NDUFA8: variants seen among roughly 807,000 people sequenced by gnomAD.
NDUFA8 encodes NADH dehydrogenase [ubiquinone] 1 alpha subcomplex subunit 8.
In NDUFA8, 16 loss-of-function variants were observed where a neutral mutation model predicts 20.9. That is an observed-to-expected ratio of 0.77 (90% CI 0.52 to 1.16). The LOEUF (loss-of-function observed/expected upper bound fraction) is 1.16, where lower values mean the gene tolerates loss of function less well. Among genes scored for constraint, NDUFA8 ranks in the 50% most tolerant of loss-of-function variants. NDUFA8 has a pLI of 0.00. For synonymous variants in NDUFA8, 70 were observed against 76.1 expected (o/e 0.92, Z 0.41); for missense variants, 202 against 216.4 (o/e 0.93, Z 0.42).
In NDUFA8 at chr9:122,144,354, G is replaced by T. The variant is rs779542088; in HGVS notation, c.406C>A (p.Pro136Thr). The change falls in exon 4 of 4, where the codon CCT (proline) becomes ACT (threonine). Residue 136 changes from proline to threonine, a missense_variant. Pro to Thr is a conservative substitution (Grantham distance 38, BLOSUM62 -1). Coordinates refer to ENST00000373768, the MANE Select transcript of NDUFA8 (RefSeq NM_014222.3). Reference sequence around the variant, plus strand: ...GAGTGATAGGGATTCTCCGGTAAAGGTCGATCTGTTTTCACTTTGGTGACC... The same window carrying T: ...GAGTGATAGGGATTCTCCGGTAAAGTTCGATCTGTTTTCACTTTGGTGACC... ...SKVTKVKTDR[P>T]LPENPYHSRP... is the part of the protein sequence containing the mutation. 4 of 1,614,178 alleles carry T rather than the reference G, an allele frequency of 2.5e-6. No homozygotes were observed. Among genetic ancestry groups the T allele is most frequent in the Admixed American group, 3.3e-5 (2 of 60,010 alleles).
intron 3 of NDUFA8, among the ~76,000 whole-genome samples, chr9:122,145,530 C>G (rs1243336443): frequency 2.0e-5 from 3 of 151,846 alleles, no homozygotes; most frequent in Non-Finnish European, 4.4e-5. Flanking sequence ...TGTAAAATGA[C>G]CAGATTCATC....
downstream of NDUFA8, among the ~76,000 whole-genome samples, chr9:122,141,954 T>A (rs907017785): frequency 1.3e-5 from 2 of 152,160 alleles, no homozygotes; most frequent in African/African-American, 4.8e-5. Flanking sequence ...AAAAGTTACA[T>A]CCTAGAATTG....
chr9:122,145,590 T>G (rs1052363404), intron 3 of NDUFA8, among the ~76,000 whole-genome samples: 1 of 152,222 alleles, frequency 6.6e-6, no homozygotes, highest in Admixed American at 6.5e-5. Context: ...AGAGCTTTTG[T>G]GTATACAATC....
At chr9:122,136,155 CTCTT>C in the NDUFA8 span, among the ~76,000 whole-genome samples, 2 of 152,182 alleles carry the variant, frequency 1.3e-5, no homozygotes, top group African/African-American at 4.8e-5. Context: ...CTTTTTCTCT[CTCTT>C]TCTCTCTCTC....
intron 2 of NDUFA8, among the ~76,000 whole-genome samples, chr9:122,151,202 C>T (rs375279319): frequency 2.6e-5 from 4 of 152,184 alleles, no homozygotes; most frequent in African/African-American, 7.2e-5. Context: ...TAGTGGACAT[C>T]GGTGGTTTCT....
At chr9:122,144,709 A>G (rs1391112554) in intron 3 of NDUFA8, among the ~76,000 whole-genome samples, 1 of 152,228 alleles carries the variant, frequency 6.6e-6, no homozygotes. Context: ...TGATGGAGAC[A>G]GGAACTGCCT....
At chr9:122,157,433 A>T (rs988659052) in intron 1 of NDUFA8, among the ~76,000 whole-genome samples, 1 of 152,238 alleles carries the variant, frequency 6.6e-6, no homozygotes, top group Admixed American at 6.5e-5. Flanking sequence ...ATACAACTTC[A>T]AATCTTTTCC....
At chr9:122,148,303 C>T in intron 2 of NDUFA8, 26 bp from the exon 3 acceptor site, 1 of 1,613,194 alleles carries the variant, frequency 6.2e-7, no homozygotes, top group South Asian at 1.1e-5. Context: ...GGGTTAGGGG[C>T]ATCTCTTTGC....
the NDUFA8 span, among the ~76,000 whole-genome samples, chr9:122,137,559 G>C: frequency 1.3e-5 from 2 of 152,142 alleles, no homozygotes; most frequent in Non-Finnish European, 2.9e-5. Context: ...TCTAATGAGG[G>C]AAGTGGTTGA....
chr9:122,141,945 A>G (rs1045536685), downstream of NDUFA8, among the ~76,000 whole-genome samples: 3 of 152,218 alleles, frequency 2.0e-5, no homozygotes, highest in Non-Finnish European at 4.4e-5. Context: ...AACTTGGGCA[A>G]AAGTTACATC....
At chr9:122,145,532 AG>A (rs1443656683) in intron 3 of NDUFA8, among the ~76,000 whole-genome samples, 15 of 151,982 alleles carry the variant, frequency 9.9e-5, no homozygotes, top group African/African-American at 3.6e-4. Context: ...TAAAATGACC[AG>A]ATTCATCTTC....
chr9:122,157,071 C>A (rs1202914456), intron 1 of NDUFA8, among the ~76,000 whole-genome samples: 1 of 152,176 alleles, frequency 6.6e-6, no homozygotes, highest in Non-Finnish European at 1.5e-5. Context: ...GGCTTCTGGA[C>A]CCAAACTATC....
chr9:122,138,403 G>C, the NDUFA8 span, among the ~76,000 whole-genome samples: 4 of 152,294 alleles, frequency 2.6e-5, no homozygotes, highest in Admixed American at 6.5e-5. Context: ...CTGAGACTGT[G>C]ACACGGATTT....
intron 2 of NDUFA8, among the ~76,000 whole-genome samples, chr9:122,148,873 T>C (rs749048641): frequency 6.6e-6 from 1 of 152,206 alleles, no homozygotes; most frequent in Non-Finnish European, 1.5e-5. Flanking sequence ...ATATTATATT[T>C]GGTATTCTCT....
chr9:122,155,835 G>C (rs543419455), intron 1 of NDUFA8, among the ~76,000 whole-genome samples: 1 of 152,208 alleles, frequency 6.6e-6, no homozygotes, highest in South Asian at 2.1e-4. Context: ...AAAGACTGAC[G>C]CATTATTTAT....
In NDUFA8 at chr9:122,144,234, C is replaced by T; in HGVS notation, c.*7G>A. 6.2e-7 allele frequency: 1 copy of T among 1,613,604 alleles called. No individual in the cohort carries two copies. The highest frequency in any genetic ancestry group is 8.5e-7 in the Non-Finnish European group (1 of 1,180,008). On this transcript the variant is annotated 3_prime_UTR_variant, in exon 4 of 4. Coordinates refer to ENST00000373768, the MANE Select transcript of NDUFA8 (RefSeq NM_014222.3). ...CACATGACCGAGTGTGGGCCACGGA[C>T]CCATCTTTACTTGGTCCAGAAATAA...
chr9:122,140,681 A>C (rs1282927857), downstream of NDUFA8, among the ~76,000 whole-genome samples: 1 of 152,228 alleles, frequency 6.6e-6, no homozygotes, highest in Non-Finnish European at 1.5e-5. Flanking sequence ...GGGTCACGAC[A>C]GGTGTTACTC....
chr9:122,143,942 T>C (rs1425859445), downstream of NDUFA8: 4 of 661,362 alleles, frequency 6.0e-6, no homozygotes, highest in African/African-American at 5.7e-5. Context: ...CCCAGCCACA[T>C]GAGCGAGTGC....
the NDUFA8 span, among the ~76,000 whole-genome samples, chr9:122,133,580 G>A: frequency 2.6e-5 from 4 of 152,228 alleles, no homozygotes; most frequent in Admixed American, 6.5e-5. Context: ...AGTGGAGAAC[G>A]CATCAGGGGA....
Sources: allele counts gnomAD v4.1 joint callset (sites outside exome capture counted in the v4.1 genomes callset), GRCh38; gene constraint gnomAD v4.1.1; transcripts MANE v1.5; gene names NCBI Gene and HGNC (gene_info 2026-07-23, HGNC 2026-07-21).